Variants in HDAC8 observed in about 807,000 individuals in gnomAD.
The protein encoded by HDAC8 is histone deacetylase 8.
Under a neutral mutation model 32.2 loss-of-function variants are expected in HDAC8, and 1 was observed. The observed-to-expected ratio is 0.03, with a 90% CI of 0.01 to 0.15. The LOEUF is 0.15. HDAC8 is among the 10% of genes least tolerant of loss of function. The probability of loss-of-function intolerance (pLI) is 1.00; values close to 1 mark genes in which losing one functional copy is unlikely to be tolerated. For missense variants in HDAC8, 117 were observed against 300.0 expected, an observed-to-expected ratio of 0.39 and a Z score of 4.51; for synonymous variants, 108 against 113.9, an observed-to-expected ratio of 0.95 and a Z score of 0.33.
intron 4 of HDAC8, among the ~76,000 whole-genome samples, chrX:72,525,111 G>C (rs1180267867): frequency 8.9e-6 from 1 of 112,225 alleles, no homozygotes; most frequent in Admixed American, 9.4e-5. Flanking sequence ...CAGAGCTCAA[G>C]CAGTAATGCT....
At chrX:72,424,738 G>A (rs1215425496) in intron 9 of HDAC8, among the ~76,000 whole-genome samples, 2 of 110,854 alleles carry the variant, frequency 1.8e-5, no homozygotes, top group African/African-American at 6.6e-5. Context: ...CCAAGCCCCT[G>A]GTAACCTCTA....
At chrX:72,439,817 C>T (rs965682171) in intron 9 of HDAC8, among the ~76,000 whole-genome samples, 10 of 111,268 alleles carry the variant, frequency 9.0e-5, no homozygotes, top group Non-Finnish European at 1.9e-4. Context: ...CACCCAGATT[C>T]ATAAAGCAAG....
At chrX:72,500,374 C>A (rs1245480674) in intron 4 of HDAC8, among the ~76,000 whole-genome samples, 3 of 111,425 alleles carry the variant, frequency 2.7e-5, no homozygotes, top group Non-Finnish European at 5.7e-5. Flanking sequence ...ATGCAAAAAT[C>A]CTCAACAAAA....
chrX:72,446,443 C>A (rs1555984850), intron 9 of HDAC8, among the ~76,000 whole-genome samples: 1 of 110,322 alleles, frequency 9.1e-6, no homozygotes, highest in Non-Finnish European at 1.9e-5. Context: ...GGACAAAAAA[C>A]CAAACACTGC....
At chrX:72,460,434 G>T (rs996014785) in intron 9 of HDAC8, among the ~76,000 whole-genome samples, 2 of 111,389 alleles carry the variant, frequency 1.8e-5, no homozygotes, top group African/African-American at 6.5e-5. Flanking sequence ...CACCATGCCC[G>T]GCCGAGAACT....
rs149851209 is a variant in HDAC8, at chrX:72,388,210, G to C, written c.1006-36372C>G. Among the ~76,000 whole-genome samples, 345 of 110,649 alleles carry C rather than the reference G, an allele frequency of 3.1e-3. 3 individuals are homozygous for C. Among genetic ancestry groups the C allele is most frequent in the African/African-American group, 9.7e-3 (293 of 30,355 alleles). On this transcript the variant is annotated intron_variant, in intron 9 of 10. Transcript: ENST00000373573. ...ACTTATAAGTTCTGGGAGGGTGTGT[G>C]TGTGTGTGTTTGTGTATTTGAAGCA... is the stretch of plus-strand genomic sequence containing the variant.
intron 6 of HDAC8, among the ~76,000 whole-genome samples, chrX:72,489,829 G>GA (rs2048803021): frequency 9.0e-6 from 1 of 110,640 alleles, no homozygotes; most frequent in Non-Finnish European, 1.9e-5. Flanking sequence ...TATAGAATGG[G>GA]AAAAAATTTT....
intron 4 of HDAC8, among the ~76,000 whole-genome samples, chrX:72,566,888 G>C (rs1556135372): frequency 1.8e-5 from 2 of 112,120 alleles, no homozygotes; most frequent in Non-Finnish European, 3.8e-5. Context: ...GCTCACCCCT[G>C]TAATCCCAGC....
chrX:72,542,530 C>T (rs1032441958), intron 4 of HDAC8, among the ~76,000 whole-genome samples: 13 of 111,904 alleles, frequency 1.2e-4, no homozygotes, highest in Admixed American at 9.5e-5. Flanking sequence ...GAGAATGAGG[C>T]GGTGGACCAA....
intron 9 of HDAC8, among the ~76,000 whole-genome samples, chrX:72,428,467 A>G (rs1215952988): frequency 2.7e-5 from 3 of 112,346 alleles, no homozygotes; most frequent in South Asian, 7.3e-4. Context: ...GCTGACACAT[A>G]GTAGTCATTT....
intron 9 of HDAC8, among the ~76,000 whole-genome samples, chrX:72,394,648 G>A (rs2045711496): frequency 8.9e-6 from 1 of 112,006 alleles, no homozygotes; most frequent in Non-Finnish European, 1.9e-5. Flanking sequence ...GGGGCAGTGC[G>A]TGGGTAAGCA....
intron 4 of HDAC8, among the ~76,000 whole-genome samples, chrX:72,515,049 T>C (rs1489993545): frequency 9.0e-6 from 1 of 111,553 alleles, no homozygotes; most frequent in Non-Finnish European, 1.9e-5. Flanking sequence ...TTACCACTTT[T>C]TGTGATGAGA....
At chrX:72,364,796 T>A (rs1335625570) in intron 9 of HDAC8, among the ~76,000 whole-genome samples, 1 of 111,865 alleles carries the variant, frequency 8.9e-6, no homozygotes, top group Non-Finnish European at 1.9e-5. Flanking sequence ...ATAAGAAGCC[T>A]GCACTTGTAC....
intron 9 of HDAC8, among the ~76,000 whole-genome samples, chrX:72,382,344 T>A (rs782749356): frequency 3.7e-4 from 41 of 112,195 alleles, no homozygotes; most frequent in Admixed American, 9.4e-4. Context: ...TCACAACGCA[T>A]AACTTGGGCC....
At chrX:72,392,723 G>A (rs1378440487) in intron 9 of HDAC8, among the ~76,000 whole-genome samples, 3 of 112,096 alleles carry the variant, frequency 2.7e-5, no homozygotes, top group Non-Finnish European at 5.6e-5. Flanking sequence ...TTTTCTCTGG[G>A]TGTGGGAGAA....
intron 10 of HDAC8, among the ~76,000 whole-genome samples, chrX:72,340,552 G>A (rs1555944695): frequency 1.6e-5 from 1 of 63,004 alleles, no homozygotes; most frequent in African/African-American, 6.3e-5. Flanking sequence ...ACCAACTCTC[G>A]CTCTCTTGCA....
chrX:72,443,234 T>G (rs1221312271), intron 9 of HDAC8, among the ~76,000 whole-genome samples: 7 of 109,719 alleles, frequency 6.4e-5, no homozygotes, highest in African/African-American at 2.3e-4. Flanking sequence ...GAATATACAT[T>G]TTTTTCAGCA....
At chrX:72,419,818 G>C (rs1403726735) in intron 9 of HDAC8, among the ~76,000 whole-genome samples, 1 of 111,147 alleles carries the variant, frequency 9.0e-6, no homozygotes, top group African/African-American at 3.3e-5. Context: ...ATTATGAAAG[G>C]GTGCTGATTT....
rs1481151384 is a variant in HDAC8, at chrX:72,408,265, G to A, written c.1005+53739C>T. Among the ~76,000 whole-genome samples, 4 of 111,648 alleles carry A rather than the reference G, an allele frequency of 3.6e-5. No homozygotes were observed. In the Admixed American group the frequency reaches 3.8e-4, roughly 11 times the overall value. ...AAATTGAAAAAGAGTGATTGGGAGT[G>A]GCCAGGGAAGCGAGGATAGTCAGCT... On this transcript the variant is annotated intron_variant, in intron 9 of 10. Coordinates refer to ENST00000373573, the MANE Select transcript of HDAC8 (RefSeq NM_018486.3).
Sources: allele counts gnomAD v4.1 joint callset (sites outside exome capture counted in the v4.1 genomes callset), GRCh38; gene constraint gnomAD v4.1.1; transcripts MANE v1.5; gene names NCBI Gene and HGNC (gene_info 2026-07-23, HGNC 2026-07-21).